SLC9A9: variants seen among roughly 807,000 people sequenced by gnomAD.
The protein encoded by SLC9A9 is sodium/hydrogen exchanger 9.
SLC9A9 carries 62 observed loss-of-function variants against 77.8 expected under a neutral mutation model. That is an observed-to-expected ratio of 0.80 (90% confidence interval 0.65 to 0.98). The LOEUF is 0.98. Ranked by LOEUF, SLC9A9 falls within the 50% of genes least tolerant of loss-of-function variation. The pLI is 0.00. For missense variants in SLC9A9, 775 were observed against 774.9 expected, an observed-to-expected ratio of 1.00 and a Z score of 0.00; for synonymous variants, 320 against 283.5, an observed-to-expected ratio of 1.13 and a Z score of -1.29.
chr3:143,604,426 G>A (rs1271478143), intron 6 of SLC9A9, among the ~76,000 whole-genome samples: 3 of 152,214 alleles, frequency 2.0e-5, no homozygotes, highest in Non-Finnish European at 4.4e-5. Context: ...AAAACTAGGT[G>A]ACAGACACAG....
At chr3:143,692,948 G>C (rs1344110227) in intron 5 of SLC9A9, among the ~76,000 whole-genome samples, 1 of 152,134 alleles carries the variant, frequency 6.6e-6, no homozygotes, top group Non-Finnish European at 1.5e-5. Context: ...TTATTCTAGA[G>C]AAATAAATTG....
intron 4 of SLC9A9, among the ~76,000 whole-genome samples, chr3:143,693,647 T>C (rs55823589): frequency 0.43 from 65,219 of 151,862 alleles, 14,160 homozygotes; most frequent in South Asian, 0.6. Context: ...GTGCTGACAT[T>C]TGTAAATTGA....
At chr3:143,846,344 A>G (rs1241042933) in intron 1 of SLC9A9, among the ~76,000 whole-genome samples, 2 of 152,202 alleles carry the variant, frequency 1.3e-5, no homozygotes, top group Non-Finnish European at 2.9e-5. Flanking sequence ...CAAGAATTAC[A>G]TTGTTTCTGG....
chr3:143,275,437 G>A (rs1383011915), intron 14 of SLC9A9, among the ~76,000 whole-genome samples: 1 of 152,080 alleles, frequency 6.6e-6, no homozygotes, highest in East Asian at 1.9e-4. Context: ...TCGTTTTTAG[G>A]AGCATTCTAT....
intron 6 of SLC9A9, among the ~76,000 whole-genome samples, chr3:143,594,159 C>T (rs1232811120): frequency 2.0e-5 from 3 of 152,024 alleles, no homozygotes; most frequent in African/African-American, 7.2e-5. Flanking sequence ...CTTTGCAAAC[C>T]ATAATACAGT....
chr3:143,518,334 G>T, intron 9 of SLC9A9: 2 of 669,720 alleles, frequency 3.0e-6, no homozygotes, highest in South Asian at 3.5e-5. Context: ...ACTTTCTTTA[G>T]ATTTTTGTGT....
At chr3:143,291,174 C>A (rs958107206) in intron 14 of SLC9A9, among the ~76,000 whole-genome samples, 13 of 152,172 alleles carry the variant, frequency 8.5e-5, no homozygotes, top group African/African-American at 2.9e-4. Context: ...TAAAGCTCAT[C>A]CTTCACATGC....
At chr3:143,803,206 C>A (rs1216132342) in intron 2 of SLC9A9, among the ~76,000 whole-genome samples, 1 of 152,198 alleles carries the variant, frequency 6.6e-6, no homozygotes, top group Non-Finnish European at 1.5e-5. Context: ...CCTAATCCCC[C>A]CTCTTCCTCC....
At chr3:143,343,829 G>GA (rs2032182790) in intron 14 of SLC9A9, among the ~76,000 whole-genome samples, 1 of 152,112 alleles carries the variant, frequency 6.6e-6, no homozygotes, top group African/African-American at 2.4e-5. Flanking sequence ...ACAATGTACT[G>GA]AGCTGACTAC....
intron 8 of SLC9A9, among the ~76,000 whole-genome samples, chr3:143,554,700 C>G (rs1486605380): frequency 6.6e-6 from 1 of 152,164 alleles, no homozygotes; most frequent in Admixed American, 6.5e-5. Context: ...GCCCCTTCCC[C>G]ACTCCCCACA....
At chr3:143,379,619 T>C (rs11915761) in intron 13 of SLC9A9, among the ~76,000 whole-genome samples, 26,459 of 152,294 alleles carry the variant, frequency 0.17, 2,669 homozygotes, top group Middle Eastern at 0.26. Flanking sequence ...AACATTTAGA[T>C]AGTGCTGTAT....
In SLC9A9 at chr3:143,394,721, A is replaced by G. The variant is rs542001953; in HGVS notation, c.1470-12607T>C. Among the ~76,000 whole-genome samples, 23 of 152,328 alleles carry G rather than the reference A, an allele frequency of 1.5e-4. No individual in the cohort carries two copies. In the South Asian group the frequency reaches 4.3e-3, roughly 29 times the overall value. On this transcript the variant is annotated intron_variant, in intron 12 of 15. Transcript: ENST00000316549. ...CAAAACCCCATCGTCTCAGCCCCAA[A>G]TCTCCTTAAGCTGATAGGCAACTTC...
At position 143,558,061 on chromosome 3, in the gene SLC9A9, G is replaced by T. The variant is rs150945125; in HGVS notation, c.1001-5611C>A. Among the ~76,000 whole-genome samples, 1,259 of 152,356 alleles carry T rather than the reference G, an allele frequency of 8.3e-3. 18 individuals are homozygous for T. Among genetic ancestry groups the T allele is most frequent in the African/African-American group, 0.029 (1,199 of 41,592 alleles). The stretch of plus-strand genomic sequence containing the variant: ...AATGGGCCTGGCCCAGGGCCCCCCT[G>T]CTCTGTGCAGCCTCAGGACATGGTG... On this transcript the variant is annotated intron_variant, in intron 8 of 15. Transcript: ENST00000316549.
intron 2 of SLC9A9, among the ~76,000 whole-genome samples, chr3:143,829,151 C>G (rs2009373799): frequency 6.6e-6 from 1 of 152,174 alleles, no homozygotes; most frequent in Non-Finnish European, 1.5e-5. Context: ...GGTCGGGTCT[C>G]TTTCTTGCTC....
chr3:143,782,938 A>T (rs2007928313), intron 4 of SLC9A9, among the ~76,000 whole-genome samples: 1 of 152,122 alleles, frequency 6.6e-6, no homozygotes, highest in Non-Finnish European at 1.5e-5. Context: ...TGATGGCCTT[A>T]ATTGCTCTAA....
intron 12 of SLC9A9, among the ~76,000 whole-genome samples, chr3:143,414,226 CTG>C (rs901470515): frequency 6.6e-5 from 10 of 152,110 alleles, no homozygotes; most frequent in Admixed American, 3.3e-4. Flanking sequence ...GTATAGAAGT[CTG>C]TGTGTATGTA....
intron 2 of SLC9A9, among the ~76,000 whole-genome samples, chr3:143,821,579 A>G (rs1313222810): frequency 6.6e-6 from 1 of 152,216 alleles, no homozygotes; most frequent in Non-Finnish European, 1.5e-5. Flanking sequence ...GATATTTCCA[A>G]TTCTCCTAAA....
At chr3:143,371,316 C>G (rs2033054270) in intron 13 of SLC9A9, among the ~76,000 whole-genome samples, 3 of 152,098 alleles carry the variant, frequency 2.0e-5, no homozygotes, top group Non-Finnish European at 4.4e-5. Context: ...GGACAATGTT[C>G]TAGAATAATG....
At chr3:143,341,827 T>C (rs2032107022) in intron 14 of SLC9A9, among the ~76,000 whole-genome samples, 1 of 152,222 alleles carries the variant, frequency 6.6e-6, no homozygotes, top group African/African-American at 2.4e-5. Context: ...TTTACTCACA[T>C]GGACGGGGAT....
Sources: allele counts gnomAD v4.1 joint callset (sites outside exome capture counted in the v4.1 genomes callset), GRCh38; gene constraint gnomAD v4.1.1; transcripts MANE v1.5; gene names NCBI Gene and HGNC (gene_info 2026-07-23, HGNC 2026-07-21).